Variants in TMEM178B observed in about 807,000 individuals in gnomAD.
The protein encoded by TMEM178B is transmembrane protein 178B.
Under a neutral mutation model 31.0 loss-of-function variants are expected in TMEM178B, and 5 were observed. The ratio of observed to expected loss-of-function variants is 0.16; its 90% CI spans 0.08 to 0.34. The LOEUF is 0.34. TMEM178B is among the 10% of genes least tolerant of loss of function. The pLI, the probability that TMEM178B is intolerant of heterozygous loss-of-function variation, is 1.00. For missense variants in TMEM178B, 275 were observed against 400.3 expected (o/e 0.69, Z 2.67); for synonymous variants, 164 against 164.0 (o/e 1.00, Z 0.00).
intron 2 of TMEM178B, among the ~76,000 whole-genome samples, chr7:141,222,235 A>G (rs1269516025): frequency 6.6e-6 from 1 of 152,104 alleles, no homozygotes; most frequent in Non-Finnish European, 1.5e-5. Context: ...GAGGGAGGTG[A>G]TTTTTTGTTT....
chr7:141,297,164 G>A (rs1274654793), intron 2 of TMEM178B: 1 of 152,200 alleles, frequency 6.6e-6, no homozygotes, highest in Non-Finnish European at 1.5e-5. Flanking sequence ...AAGGGGCAGT[G>A]CCTGTGACCT....
Position 141,377,252 on chromosome 7 carries a change from C to T in TMEM178B, c.497-60356C>T, listed in dbSNP as rs1043376076. Among the ~76,000 whole-genome samples the T allele has an allele frequency of 4.0e-5, 6 of 151,764 alleles. No individual in the cohort carries two copies. In the South Asian group the frequency reaches 8.3e-4, roughly 21 times the overall value. On this transcript the variant is annotated intron_variant, in intron 2 of 3. Transcript: ENST00000565468. Reference sequence around the variant, plus strand: ...AGGCTGGAGTGCAATGGAGCTATCTCGGCTCACTGCAACCTCCGCCTCCCG... The same window carrying T: ...AGGCTGGAGTGCAATGGAGCTATCTTGGCTCACTGCAACCTCCGCCTCCCG...
chr7:141,285,522 A>G (rs1283274392), intron 2 of TMEM178B, among the ~76,000 whole-genome samples: 1 of 152,018 alleles, frequency 6.6e-6, no homozygotes, highest in Non-Finnish European at 1.5e-5. Flanking sequence ...ACATATTGTA[A>G]TGCATATTTT....
At chr7:141,365,415 G>A (rs897521278) in intron 2 of TMEM178B, among the ~76,000 whole-genome samples, 2 of 152,172 alleles carry the variant, frequency 1.3e-5, no homozygotes, top group African/African-American at 4.8e-5. Flanking sequence ...GATTGAGCCT[G>A]TTTTAATTCA....
chr7:141,108,635 C>G (rs1795184212), intron 1 of TMEM178B, among the ~76,000 whole-genome samples: 1 of 152,134 alleles, frequency 6.6e-6, no homozygotes, highest in Non-Finnish European at 1.5e-5. Context: ...TCTCCAGATG[C>G]TTGAACAAGT....
At chr7:141,083,632 C>CT (rs1449006042) in intron 1 of TMEM178B, among the ~76,000 whole-genome samples, 2 of 152,214 alleles carry the variant, frequency 1.3e-5, no homozygotes, top group Admixed American at 1.3e-4. Context: ...TAAAAACGAA[C>CT]TTTTCCTCTT....
chr7:141,486,592 G>T, the TMEM178B span, among the ~76,000 whole-genome samples: 1 of 152,114 alleles, frequency 6.6e-6, no homozygotes, highest in Non-Finnish European at 1.5e-5. Flanking sequence ...TTAAATTTTG[G>T]CAATGTGCTA....
chr7:141,467,385 A>G (rs1055622251), intron 3 of TMEM178B, among the ~76,000 whole-genome samples: 1 of 152,122 alleles, frequency 6.6e-6, no homozygotes, highest in African/African-American at 2.4e-5. Flanking sequence ...CACAAATACA[A>G]ATGCATACAT....
At position 141,289,503 on chromosome 7, in the gene TMEM178B, G is replaced by T. The variant is rs184915574; in HGVS notation, c.496+76799G>T. ...GACCGAGGCAGGCAGATCACATGAG[G>T]TCAGGAGTTTGAGGCCAGCCTGGCA... is the stretch of plus-strand genomic sequence containing the variant. On this transcript the variant is annotated intron_variant, in intron 2 of 3. Transcript: ENST00000565468. Among the ~76,000 whole-genome samples, 217 of 152,178 alleles carry T rather than the reference G, an allele frequency of 1.4e-3. 1 individual carries two copies. The highest frequency in any genetic ancestry group is 0.01 in the Middle Eastern group (3 of 292).
chr7:141,208,485 C>A (rs1797001483), intron 1 of TMEM178B, among the ~76,000 whole-genome samples: 1 of 152,254 alleles, frequency 6.6e-6, no homozygotes. Flanking sequence ...AGCACACTGA[C>A]AGGACCTGCA....
At chr7:141,357,616 C>G (rs1380353179) in intron 2 of TMEM178B, among the ~76,000 whole-genome samples, 4 of 152,154 alleles carry the variant, frequency 2.6e-5, no homozygotes, top group African/African-American at 4.8e-5. Flanking sequence ...ATAGGCATCA[C>G]AGATATTTTC....
chr7:141,506,499 TTG>T, the TMEM178B span, among the ~76,000 whole-genome samples: 1 of 152,198 alleles, frequency 6.6e-6, no homozygotes, highest in African/African-American at 2.4e-5. Flanking sequence ...CCATCAGATC[TTG>T]TGAGACTTAT....
At chr7:141,184,157 A>C (rs894441900) in intron 1 of TMEM178B, among the ~76,000 whole-genome samples, 2 of 152,240 alleles carry the variant, frequency 1.3e-5, no homozygotes, top group African/African-American at 4.8e-5. Context: ...CTTGAGGAAA[A>C]TATCAGGGCC....
chr7:141,125,820 T>C (rs1039631112), intron 1 of TMEM178B, among the ~76,000 whole-genome samples: 2 of 152,226 alleles, frequency 1.3e-5, no homozygotes, highest in Non-Finnish European at 2.9e-5. Flanking sequence ...GAAGTCAGTT[T>C]GCTAGAAAAT....
chr7:141,245,643 C>T (rs1274149446), intron 2 of TMEM178B, among the ~76,000 whole-genome samples: 1 of 152,208 alleles, frequency 6.6e-6, no homozygotes, highest in Admixed American at 6.5e-5. Flanking sequence ...TACGCTTTCA[C>T]TTGTCCTTAA....
intron 1 of TMEM178B, among the ~76,000 whole-genome samples, chr7:141,172,052 C>T (rs576919059): frequency 3.9e-5 from 6 of 152,286 alleles, no homozygotes; most frequent in South Asian, 2.1e-4. Flanking sequence ...ATTCCTTTCA[C>T]GGATGCTGTG....
chr7:141,408,646 G>GAA (rs1800928331), intron 2 of TMEM178B, among the ~76,000 whole-genome samples: 1 of 152,144 alleles, frequency 6.6e-6, no homozygotes, highest in South Asian at 2.1e-4. Context: ...GAATGAATGA[G>GAA]CATGGGGGCA....
chr7:141,411,073 G>T (rs903884053), intron 2 of TMEM178B, among the ~76,000 whole-genome samples: 1 of 151,306 alleles, frequency 6.6e-6, no homozygotes, highest in Admixed American at 6.6e-5. Context: ...AATAAAAAAA[G>T]AAAAATTTTT....
chr7:141,085,566 A>G (rs916579565), intron 1 of TMEM178B, among the ~76,000 whole-genome samples: 28 of 152,008 alleles, frequency 1.8e-4, no homozygotes, highest in African/African-American at 6.8e-4. Context: ...TGCTTTTTAA[A>G]ATGCCCTGCT....
Sources: allele counts gnomAD v4.1 joint callset (sites outside exome capture counted in the v4.1 genomes callset), GRCh38; gene constraint gnomAD v4.1.1; transcripts MANE v1.5; gene names NCBI Gene and HGNC (gene_info 2026-07-23, HGNC 2026-07-21).